Variants in ITGA11 observed in about 807,000 individuals in gnomAD.
The protein encoded by ITGA11 is integrin alpha-11.
ITGA11 carries 97 observed loss-of-function variants against 141.9 expected under a neutral mutation model. The observed-to-expected ratio is 0.68, with a 90% CI of 0.58 to 0.81. The LOEUF (loss-of-function observed/expected upper bound fraction) is 0.81, where lower values mean the gene tolerates loss of function less well. ITGA11 is among the 30% of genes least tolerant of loss of function. The probability of loss-of-function intolerance (pLI) is 0.00; values close to 1 mark genes in which losing one functional copy is unlikely to be tolerated. For missense variants in ITGA11, 1,387 were observed against 1,559.2 expected, an observed-to-expected ratio of 0.89 and a Z score of 1.86; for synonymous variants, 658 against 624.6, an observed-to-expected ratio of 1.05 and a Z score of -0.80.
intron 1 of ITGA11, among the ~76,000 whole-genome samples, chr15:68,424,262 G>A (rs1897085681): frequency 6.6e-6 from 1 of 152,208 alleles, no homozygotes; most frequent in Admixed American, 6.5e-5. Flanking sequence ...TGTGAATCCT[G>A]TGGCACTGCA....
intron 2 of ITGA11, among the ~76,000 whole-genome samples, chr15:68,379,218 ACT>A (rs1895801388): frequency 1.3e-5 from 2 of 151,800 alleles, no homozygotes; most frequent in Admixed American, 1.3e-4. Context: ...CTCATCCCAA[ACT>A]CTCAGTCTAT....
At chr15:68,361,201 G>T (rs1315422305) in intron 5 of ITGA11, among the ~76,000 whole-genome samples, 1 of 152,158 alleles carries the variant, frequency 6.6e-6, no homozygotes, top group Non-Finnish European at 1.5e-5. Flanking sequence ...CTACTGCATT[G>T]CACAACATCA....
intron 24 of ITGA11, among the ~76,000 whole-genome samples, chr15:68,312,352 G>A (rs1567123381): frequency 6.6e-6 from 1 of 152,160 alleles, no homozygotes; most frequent in Non-Finnish European, 1.5e-5. Context: ...AGAAGGTGAT[G>A]GCTGGAGCTG....
At position 68,325,715 on chromosome 15, in the gene ITGA11, A is replaced by G. The variant is rs1430826646; in HGVS notation, c.2212-474T>C. On this transcript the variant is annotated intron_variant, in intron 17 of 29. Transcript: ENST00000315757. The surrounding 1 kb of genome is among the most constrained non-coding windows in gnomAD (Gnocchi z 5.5). ...GCCCTAGCACTGTGATAAGGGCTTC[A>G]GCATGTGGAATTGGTGAATGAACAA... Among the ~76,000 whole-genome samples the G allele has an allele frequency of 6.6e-6, 1 of 152,254 alleles. No homozygotes were observed. The highest frequency in any genetic ancestry group is 1.5e-5 in the Non-Finnish European group (1 of 68,046).
Position 68,302,098 on chromosome 15 carries a change from G to T in ITGA11, c.*961C>A, listed in dbSNP as rs1296979399. The stretch of plus-strand genomic sequence containing the variant: ...TGTGTGTGTGTGTGTGTGTGTGTGT[G>T]TGTGTGTGTGTGTGTGTAGGGAGGG... On this transcript the variant is annotated 3_prime_UTR_variant, in exon 30 of 30. Coordinates refer to ENST00000315757, the MANE Select transcript of ITGA11 (RefSeq NM_001004439.2). The T allele has an allele frequency of 2.1e-5, 2 of 97,528 alleles. No individual in the cohort carries two copies. Among genetic ancestry groups the T allele is most frequent in the Admixed American group, 2.0e-4 (2 of 10,020 alleles). The allele number at this position is 97,528 out of a possible 1,614,324, so 6.0% of individuals were successfully genotyped here.
intron 2 of ITGA11, among the ~76,000 whole-genome samples, chr15:68,397,813 T>TTA (rs202228003): frequency 0.066 from 7,805 of 117,534 alleles, 1,456 homozygotes; most frequent in African/African-American, 0.22. Context: ...AATAATAATA[T>TTA]TATATATTAT....
intron 10 of ITGA11, among the ~76,000 whole-genome samples, chr15:68,340,176 C>G (rs1894515602): frequency 6.6e-6 from 1 of 150,900 alleles, no homozygotes; most frequent in Admixed American, 6.6e-5. Context: ...TCCCCCGTAT[C>G]CCCGCCCCCA....
At position 68,335,961 on chromosome 15, in the gene ITGA11, G is replaced by C; in HGVS notation, c.1277-116C>G. On this transcript the variant is annotated intron_variant, in intron 11 of 29. Coordinates refer to ENST00000315757, the MANE Select transcript of ITGA11 (RefSeq NM_001004439.2). The surrounding 1 kb of genome is among the most constrained non-coding windows in gnomAD (Gnocchi z 4.9). The stretch of plus-strand genomic sequence containing the variant: ...GGGCCAGTGATGGGGTAGGTTCAGG[G>C]CTAGCTGAGCAGATTCAATCACGCA... The C allele has an allele frequency of 8.2e-7, 1 of 1,215,286 alleles. No individual in the cohort carries two copies. The highest frequency in any genetic ancestry group is 1.2e-6 in the Non-Finnish European group (1 of 868,366). 75.3% of individuals were successfully genotyped at this position (1,215,286 alleles called of 1,614,324 possible).
chr15:68,323,069 T>A (rs1005330189), intron 18 of ITGA11, among the ~76,000 whole-genome samples: 2 of 152,144 alleles, frequency 1.3e-5, no homozygotes, highest in African/African-American at 4.8e-5. Flanking sequence ...GTATCTTAAA[T>A]TCATTAACTT....
At chr15:68,427,799 A>G (rs1897179793) in intron 1 of ITGA11, among the ~76,000 whole-genome samples, 1 of 152,118 alleles carries the variant, frequency 6.6e-6, no homozygotes. Flanking sequence ...CACAGCTCCT[A>G]TAGAAAGCAC....
intron 2 of ITGA11, among the ~76,000 whole-genome samples, chr15:68,381,119 A>C (rs185436851): frequency 1.1e-4 from 16 of 152,332 alleles, no homozygotes; most frequent in African/African-American, 3.6e-4. Context: ...GAAAAAATTA[A>C]GTCAGTGATT....
At chr15:68,310,261 AAAC>A (rs1251936419) in intron 26 of ITGA11, among the ~76,000 whole-genome samples, 1 of 152,218 alleles carries the variant, frequency 6.6e-6, no homozygotes, top group African/African-American at 2.4e-5. Context: ...ACAAATCTTC[AAAC>A]AATTAGAATT....
intron 8 of ITGA11, among the ~76,000 whole-genome samples, chr15:68,351,057 A>G (rs1185248653): frequency 6.6e-6 from 1 of 152,148 alleles, no homozygotes; most frequent in African/African-American, 2.4e-5. Context: ...ATGGGGGGAA[A>G]CACAACCCGT....
intron 3 of ITGA11, among the ~76,000 whole-genome samples, chr15:68,367,834 G>C (rs1028794140): frequency 2.6e-5 from 4 of 152,222 alleles, no homozygotes; most frequent in African/African-American, 9.6e-5. Context: ...ACTCCGCATG[G>C]ACACACAGCA....
intron 1 of ITGA11, among the ~76,000 whole-genome samples, chr15:68,422,176 G>T (rs922218490): frequency 6.6e-6 from 1 of 152,172 alleles, no homozygotes; most frequent in African/African-American, 2.4e-5. Context: ...CTGTGTGAAA[G>T]CTCCCAGTCA....
rs2292745 is a variant in ITGA11 at position 68,331,952 on chromosome 15, G to A, written c.1677C>T (p.Asp559=). 0.18 allele frequency: 295,345 copies of A among 1,612,628 alleles called. 34,129 individuals carry two copies. Among genetic ancestry groups the A allele is most frequent in the East Asian group, 0.54 (24,207 of 44,772 alleles). Residue 559 remains aspartate, a synonymous_variant, in exon 14 of 30, where the codon GAC becomes GAT. Transcript: ENST00000315757. ...VRDLNQDSYN[D]VVVGAPLEDN... ...CCTCCAGGGGGGCTCCCACCACCAC[G>A]TCATTGTAGGAATCCTGGTTGAGGT...
At chr15:68,413,062 C>T (rs993144997) in intron 1 of ITGA11, among the ~76,000 whole-genome samples, 2 of 152,120 alleles carry the variant, frequency 1.3e-5, no homozygotes, top group African/African-American at 2.4e-5. Flanking sequence ...CAGCGAATCT[C>T]ACATTTTTTG....
intron 7 of ITGA11, among the ~76,000 whole-genome samples, chr15:68,356,264 TTG>T (rs1474332711): frequency 4.6e-5 from 7 of 150,908 alleles, no homozygotes; most frequent in East Asian, 2.0e-4. Flanking sequence ...CCCGGCTAAT[TTG>T]TTTTTTTTTT....
intron 1 of ITGA11, 145 bp downstream of exon 1, chr15:68,431,870 T>A: frequency 2.0e-6 from 1 of 496,162 alleles, no homozygotes; most frequent in East Asian, 3.6e-5. Flanking sequence ...CTGGGGCCAG[T>A]CCCTGGGGGA....
Sources: allele counts gnomAD v4.1 joint callset (sites outside exome capture counted in the v4.1 genomes callset), GRCh38; gene constraint gnomAD v4.1.1; non-coding constraint Gnocchi (gnomAD v3.1); transcripts MANE v1.5; gene names NCBI Gene and HGNC (gene_info 2026-07-23, HGNC 2026-07-21).